LOC112694756: variants seen among roughly 807,000 people sequenced by gnomAD.
At chr16:30,062,457 AG>A in the LOC112694756 span, among the ~76,000 whole-genome samples, 22 of 145,688 alleles carry the variant, frequency 1.5e-4, no homozygotes, top group South Asian at 8.9e-4. Context: ...GCTTGAACCC[AG>A]GAGGCGGAGG....
chr16:30,062,151 T>A, the LOC112694756 span, among the ~76,000 whole-genome samples: 1 of 151,094 alleles, frequency 6.6e-6, no homozygotes, highest in Admixed American at 6.6e-5. Flanking sequence ...TGCCCCAAGC[T>A]GAGATCCCAC....
At chr16:30,060,914 G>A in the LOC112694756 span, among the ~76,000 whole-genome samples, 43 of 152,282 alleles carry the variant, frequency 2.8e-4, 3 homozygotes, top group Admixed American at 1.2e-3. Flanking sequence ...TCCCCTCACT[G>A]CAGCCCCTAG....
At chr16:30,063,778 G>C in the LOC112694756 span, 8 of 399,390 alleles carry the variant, frequency 2.0e-5, no homozygotes, top group East Asian at 1.4e-4. Flanking sequence ...GACTGTGCCT[G>C]TACGTGCCAG....
chr16:30,068,912 C>T, the LOC112694756 span: 2 of 1,614,230 alleles, frequency 1.2e-6, no homozygotes, highest in Non-Finnish European at 8.5e-7. Context: ...GGGAACACAC[C>T]CCCTCAGCCC....
chr16:30,057,930 CA>C, the LOC112694756 span, among the ~76,000 whole-genome samples: 74 of 132,650 alleles, frequency 5.6e-4, no homozygotes, highest in African/African-American at 1.0e-3. Flanking sequence ...GACTCTGTCT[CA>C]AAAAAAAAAA....
the LOC112694756 span, among the ~76,000 whole-genome samples, chr16:30,065,485 GGCGCCCCAGAGC>G: frequency 1.3e-5 from 2 of 152,118 alleles, no homozygotes; most frequent in African/African-American, 4.8e-5. Context: ...GCTGAGTCAC[GGCGCCCCAGAGC>G]GCGCCAGGCT....
chr16:30,059,268 CG>C, the LOC112694756 span, among the ~76,000 whole-genome samples: 1 of 151,888 alleles, frequency 6.6e-6, no homozygotes, highest in South Asian at 2.1e-4. Flanking sequence ...GAGGCCAAGG[CG>C]GGCAGATCAC....
At chr16:30,060,272 C>A in the LOC112694756 span, among the ~76,000 whole-genome samples, 1 of 152,176 alleles carries the variant, frequency 6.6e-6, no homozygotes, top group African/African-American at 2.4e-5. Flanking sequence ...AGCCACCACA[C>A]CTGGCCTTAG....
chr16:30,058,872 T>A, the LOC112694756 span: 2 of 397,320 alleles, frequency 5.0e-6, no homozygotes, highest in Non-Finnish European at 8.9e-6. Context: ...ATGGAGTTAC[T>A]GTTGAGGCAC....
chr16:30,064,793 C>CT, the LOC112694756 span: 1 of 203,474 alleles, frequency 4.9e-6, no homozygotes, highest in Non-Finnish European at 9.7e-6. Flanking sequence ...AGGTGGGCCC[C>CT]TTGCAGGACC....
the LOC112694756 span, chr16:30,069,181 C>G: frequency 3.7e-6 from 5 of 1,362,816 alleles, no homozygotes; most frequent in South Asian, 4.8e-5. Flanking sequence ...CTCCTGTAAT[C>G]TGAGGGCTTT....
At chr16:30,062,531 A>C in the LOC112694756 span, among the ~76,000 whole-genome samples, 1 of 136,264 alleles carries the variant, frequency 7.3e-6, no homozygotes, top group Non-Finnish European at 1.6e-5. Flanking sequence ...ACTCCGTCTC[A>C]AAAAAAAAAA....
At chr16:30,056,698 T>C in the LOC112694756 span, among the ~76,000 whole-genome samples, 7 of 152,078 alleles carry the variant, frequency 4.6e-5, no homozygotes, top group Non-Finnish European at 7.4e-5. Context: ...CCTCCTGGAC[T>C]GAAGCAATCC....
chr16:30,069,017 A>C, the LOC112694756 span: 1 of 1,613,568 alleles, frequency 6.2e-7, no homozygotes, highest in Non-Finnish European at 8.5e-7. Context: ...CTCCTACCTC[A>C]TTTGGTTCCA....
At chr16:30,069,147 G>C in the LOC112694756 span, 1 of 1,331,720 alleles carries the variant, frequency 7.5e-7, no homozygotes. Flanking sequence ...GAGGGATGGT[G>C]GGTGGATCTG....
the LOC112694756 span, chr16:30,067,704 G>C: frequency 6.2e-7 from 1 of 1,610,722 alleles, no homozygotes; most frequent in East Asian, 2.2e-5. Flanking sequence ...GATGGAAGTG[G>C]AGGAAGGAAA....
At chr16:30,054,507 G>A in the LOC112694756 span, 121 of 283,534 alleles carry the variant, frequency 4.3e-4, no homozygotes, top group African/African-American at 2.5e-3. Flanking sequence ...AAGGGAGTCA[G>A]AGACAAGAGA....
the LOC112694756 span, chr16:30,070,072 G>C: frequency 6.2e-7 from 1 of 1,613,594 alleles, no homozygotes; most frequent in Non-Finnish European, 8.5e-7. Flanking sequence ...GGGTGGATGG[G>C]ACTCGGAGAA....
chr16:30,069,915 C>G, the LOC112694756 span: 1 of 1,614,152 alleles, frequency 6.2e-7, no homozygotes. Context: ...TGCTGAAGCC[C>G]TGGGCCCTGA....
Sources: allele counts gnomAD v4.1 joint callset (sites outside exome capture counted in the v4.1 genomes callset), GRCh38; gene constraint gnomAD v4.1.1; transcripts MANE v1.5.